Variants in FOXP2 observed in about 807,000 individuals in gnomAD.
The protein encoded by FOXP2 is forkhead box P2, also known as forkhead box protein P2.
In FOXP2, 12 loss-of-function variants were observed where a neutral mutation model predicts 115.8. That is an observed-to-expected ratio of 0.10 (90% CI 0.07 to 0.17). The LOEUF is 0.17. FOXP2 is among the 10% of genes least tolerant of loss of function. FOXP2 has a pLI of 1.00. For synonymous variants in FOXP2, 328 were observed against 297.7 expected (o/e 1.10, Z -1.05); for missense variants, 629 against 843.5 (o/e 0.75, Z 3.15).
Position 114,691,745 on chromosome 7 carries a change from C to T in FOXP2, c.*1819C>T, listed in dbSNP as rs930596491. 6.6e-6 allele frequency: 3 copies of T among 453,768 alleles called. No individual in the cohort carries two copies. Among genetic ancestry groups the T allele is most frequent in the South Asian group, 4.7e-5 (3 of 64,378 alleles). 28.1% of individuals were successfully genotyped at this position (453,768 alleles called of 1,614,324 possible). A position where few individuals can be genotyped will look rare whatever the true frequency, so the allele number is the denominator to read the frequency against. On this transcript the variant is annotated 3_prime_UTR_variant, in exon 17 of 17. Coordinates refer to ENST00000350908, the MANE Select transcript of FOXP2 (RefSeq NM_014491.4). Reference sequence around the variant, plus strand: ...AAGGTGGCTGCTAGAGCTTAACATACGTTCCCGTTCCATGTGATGGAACCG... The same window carrying T: ...AAGGTGGCTGCTAGAGCTTAACATATGTTCCCGTTCCATGTGATGGAACCG...
At chr7:114,591,421 G>T (rs1802430048) in intron 3 of FOXP2, among the ~76,000 whole-genome samples, 1 of 152,016 alleles carries the variant, frequency 6.6e-6, no homozygotes, top group African/African-American at 2.4e-5. Context: ...ATAGTTTTTA[G>T]TGACATAATT....
intron 2 of FOXP2, among the ~76,000 whole-genome samples, chr7:114,355,991 T>G (rs1267683135): frequency 6.6e-6 from 1 of 152,204 alleles, no homozygotes; most frequent in East Asian, 1.9e-4. Flanking sequence ...TTTTATGAAT[T>G]TCTAACTTTT....
chr7:114,628,382 T>C (rs1804709821), intron 3 of FOXP2, among the ~76,000 whole-genome samples, 158 bp from the exon 4 acceptor site: 1 of 152,214 alleles, frequency 6.6e-6, no homozygotes, highest in African/African-American at 2.4e-5. Context: ...TGTGATACTT[T>C]AGTACTATTG....
intron 11 of FOXP2, among the ~76,000 whole-genome samples, chr7:114,658,951 T>C (rs1355671236): frequency 1.3e-5 from 2 of 152,148 alleles, no homozygotes; most frequent in African/African-American, 4.8e-5. Flanking sequence ...GGTGAGGGTT[T>C]TGTGTTTCCT....
At chr7:114,397,976 G>A (rs1468190303) in intron 2 of FOXP2, among the ~76,000 whole-genome samples, 1 of 152,074 alleles carries the variant, frequency 6.6e-6, no homozygotes, top group Non-Finnish European at 1.5e-5. Flanking sequence ...AGAAATCGAA[G>A]ATTAAGTTTT....
At chr7:114,280,079 A>G (rs1562851316) in intron 1 of FOXP2, among the ~76,000 whole-genome samples, 1 of 36,168 alleles carries the variant, frequency 2.8e-5, no homozygotes, top group African/African-American at 6.8e-5. Context: ...CTCTCAGGCA[A>G]ATAAATAAAT....
chr7:114,491,913 A>T (rs1450084611), intron 2 of FOXP2, among the ~76,000 whole-genome samples: 2 of 152,170 alleles, frequency 1.3e-5, no homozygotes, highest in Non-Finnish European at 2.9e-5. Flanking sequence ...TATCAGGATG[A>T]TGCTGCCCTC....
At chr7:114,617,262 G>A (rs1404024007) in intron 3 of FOXP2, among the ~76,000 whole-genome samples, 1 of 152,082 alleles carries the variant, frequency 6.6e-6, no homozygotes, top group Non-Finnish European at 1.5e-5. Context: ...AGATGCCTTT[G>A]AATCTCCTAG....
At chr7:114,512,754 G>T (rs976373698) in intron 2 of FOXP2, among the ~76,000 whole-genome samples, 11 of 152,114 alleles carry the variant, frequency 7.2e-5, no homozygotes, top group Non-Finnish European at 1.5e-4. Flanking sequence ...GAAAATGAAA[G>T]AAAATATTGG....
At chr7:114,118,064 G>T (rs1026745350) in intron 1 of FOXP2, among the ~76,000 whole-genome samples, 1 of 152,014 alleles carries the variant, frequency 6.6e-6, no homozygotes, top group East Asian at 1.9e-4. Context: ...AATGTTGAGG[G>T]GTCACATTAA....
chr7:114,087,633 G>GCGGCGC (rs1231813705), upstream of FOXP2: 1 of 146,996 alleles, frequency 6.8e-6, no homozygotes, highest in African/African-American at 2.5e-5. Context: ...GGCGGCGGCG[G>GCGGCGC]CGGCGCCGGC....
chr7:114,235,292 T>TACACTGTGCTCAGTAAATTTAC (rs1794982454), intron 1 of FOXP2, among the ~76,000 whole-genome samples: 1 of 152,222 alleles, frequency 6.6e-6, no homozygotes, highest in Admixed American at 6.5e-5. Flanking sequence ...GTGCATATAG[T>TACACTGTGCTCAGTAAATTTAC]TGTGCTCAGT....
chr7:114,145,426 G>A (rs1483104572), intron 1 of FOXP2, among the ~76,000 whole-genome samples: 1 of 52,550 alleles, frequency 1.9e-5, no homozygotes, highest in Non-Finnish European at 6.7e-5. Flanking sequence ...TAGTAGCTTT[G>A]CCATTTTTTC....
intron 16 of FOXP2, among the ~76,000 whole-genome samples, chr7:114,672,074 A>G (rs1420241505): frequency 6.6e-6 from 1 of 152,224 alleles, no homozygotes; most frequent in Non-Finnish European, 1.5e-5. Context: ...ACTACTGAAA[A>G]CTAACATTGT....
intron 3 of FOXP2, among the ~76,000 whole-genome samples, chr7:114,547,767 AG>A (rs1397376481): frequency 1.3e-5 from 2 of 152,176 alleles, no homozygotes; most frequent in Non-Finnish European, 2.9e-5. Flanking sequence ...TCAAAAAAAA[AG>A]AAATGTATGT....
chr7:114,357,565 C>G (rs917697556), intron 2 of FOXP2, among the ~76,000 whole-genome samples: 1 of 152,072 alleles, frequency 6.6e-6, no homozygotes, highest in East Asian at 1.9e-4. Context: ...CTCAAAGGAC[C>G]ACACGGTTCT....
chr7:114,472,647 C>A (rs1796101439), intron 2 of FOXP2, among the ~76,000 whole-genome samples: 1 of 152,112 alleles, frequency 6.6e-6, no homozygotes, highest in Non-Finnish European at 1.5e-5. Flanking sequence ...CGTGCCCAGC[C>A]TAGAAATTCT....
rs200330054 is a variant in FOXP2, at chr7:114,349,128, G to GT, written c.-11+61028dup. On this transcript the variant is annotated intron_variant, in intron 2 of 17. Coordinates refer to the FOXP2 transcript ENST00000634411. ...CCATCAATGCTTGTGACTTTACTAT[G>GT]TTTTTTTTTCTGTATTCCGCAAATC... Among the ~76,000 whole-genome samples, 44 of 149,230 alleles carry GT rather than the reference G, an allele frequency of 2.9e-4. No individual in the cohort carries two copies. The South Asian group carries it at 5.0e-3, about 17-fold the overall frequency.
chr7:114,318,193 C>T lies in FOXP2; in HGVS notation c.-11+30084C>T, dbSNP rs181003892. On this transcript the variant is annotated intron_variant, in intron 2 of 17. Coordinates refer to the FOXP2 transcript ENST00000634411. ...TGCTCACTGAAATGTGGACTGTTTGCGGAGTGATGCAGAGGCTTTAGTTAG... is the reference window on the plus strand; with the variant it reads ...TGCTCACTGAAATGTGGACTGTTTGTGGAGTGATGCAGAGGCTTTAGTTAG... Among the ~76,000 whole-genome samples the T allele has an allele frequency of 2.6e-4, 39 of 152,082 alleles. No homozygotes were observed. The East Asian group carries it at 5.4e-3, about 21-fold the overall frequency.
Sources: allele counts gnomAD v4.1 joint callset (sites outside exome capture counted in the v4.1 genomes callset), GRCh38; gene constraint gnomAD v4.1.1; transcripts MANE v1.5; gene names NCBI Gene and HGNC (gene_info 2026-07-23, HGNC 2026-07-21).